CPZ: variants seen among roughly 807,000 people sequenced by gnomAD.
CPZ encodes VEZT/CPZ fusion.
Under a neutral mutation model 61.8 loss-of-function variants are expected in CPZ, and 103 were observed. The observed-to-expected ratio is 1.67, with a 90% CI of 1.42 to 1.96. The LOEUF is 1.96. Among genes scored for constraint, CPZ ranks in the 30% most tolerant of loss-of-function variants. CPZ has a pLI of 0.00. For synonymous variants in CPZ, 551 were observed against 373.7 expected, an observed-to-expected ratio of 1.47 and a Z score of -5.47; for missense variants, 1,461 against 914.9, an observed-to-expected ratio of 1.60 and a Z score of -7.70.
intron 2 of CPZ, chr4:8,600,846 C>A: frequency 9.9e-7 from 1 of 1,011,674 alleles, no homozygotes; most frequent in Non-Finnish European, 1.3e-6. Context: ...TTGTGTGGCA[C>A]AGCTGCTTTG....
Position 8,619,607 on chromosome 4 carries a change from T to A in CPZ, c.1949T>A (p.Leu650His), listed in dbSNP as rs774158333. Reference sequence around the variant, plus strand: ...AGCACCCACAGGCCACGCTGGCTGCTCAAGTACTAGCCCCGGCCCCAGCAC... The same window carrying A: ...AGCACCCACAGGCCACGCTGGCTGCACAAGTACTAGCCCCGGCCCCAGCAC... ...SLSTHRPRWL[L>H]KY Residue 650 changes from leucine (L) to histidine (H), a missense_variant, in exon 11 of 11, where the codon CTC (leucine) becomes CAC (histidine). Coordinates refer to ENST00000360986, the MANE Select transcript of CPZ (RefSeq NM_001014447.3). 4.7e-6 allele frequency: 7 copies of A among 1,502,312 alleles called. No individual in the cohort carries two copies. The highest frequency in any genetic ancestry group is 5.3e-6 in the Non-Finnish European group (6 of 1,126,792). The allele number at this position is 1,502,312 out of a possible 1,614,324, so 93.1% of individuals were successfully genotyped here. A position where few individuals can be genotyped will look rare whatever the true frequency, so the allele number is the denominator to read the frequency against.
At chr4:8,600,133 T>A in intron 2 of CPZ, among the ~76,000 whole-genome samples, 1 of 152,330 alleles carries the variant, frequency 6.6e-6, no homozygotes, top group Admixed American at 6.5e-5. Flanking sequence ...TTTTATTTTA[T>A]TTTTTATTTA....
chr4:8,604,399 A>G (rs1280691772), intron 4 of CPZ, among the ~76,000 whole-genome samples: 2 of 152,280 alleles, frequency 1.3e-5, no homozygotes, highest in Non-Finnish European at 2.9e-5. Context: ...TCTTACTTCA[A>G]AATGTAGGGT....
intron 3 of CPZ, chr4:8,602,470 A>C (rs2109318780): frequency 6.6e-6 from 1 of 152,396 alleles, no homozygotes; most frequent in East Asian, 1.9e-4. Context: ...GCCTAGGGCC[A>C]GTGTGTGCCA....
chr4:8,609,005 TTCA>T (rs1715294352), intron 7 of CPZ, among the ~76,000 whole-genome samples: 1 of 150,476 alleles, frequency 6.6e-6, no homozygotes, highest in Non-Finnish European at 1.5e-5. Flanking sequence ...CTTTCACTTG[TTCA>T]TCATTCATTA....
intron 1 of CPZ, among the ~76,000 whole-genome samples, chr4:8,598,686 G>A (rs1425060656): frequency 1.3e-5 from 2 of 152,250 alleles, no homozygotes; most frequent in African/African-American, 2.4e-5. Context: ...CCTTGGATGC[G>A]TTCTCGCTGC....
At chr4:8,598,388 G>T (rs552252527) in intron 1 of CPZ, among the ~76,000 whole-genome samples, 1 of 152,322 alleles carries the variant, frequency 6.6e-6, no homozygotes, top group Admixed American at 6.5e-5. Context: ...CCTAGGGTGA[G>T]CTCCGAAAAG....
chr4:8,609,599 G>A (rs1035352872), intron 7 of CPZ, among the ~76,000 whole-genome samples: 2 of 148,680 alleles, frequency 1.3e-5, no homozygotes, highest in Admixed American at 1.3e-4. Context: ...CAGGGCAGGT[G>A]TCCCCCTCTG....
chr4:8,619,426 A>T lies in CPZ; in HGVS notation c.1768A>T (p.Asn590Tyr). 6.2e-7 allele frequency: 1 copy of T among 1,613,994 alleles called. No individual in the cohort carries two copies. Among genetic ancestry groups the T allele is most frequent in the Non-Finnish European group, 8.5e-7 (1 of 1,179,956 alleles). Reference protein sequence around the residue: ...ILQPLGMGPKNFIHGLRRTGP... With the variant: ...ILQPLGMGPKYFIHGLRRTGP... ...GCAACCTCTGGGGATGGGACCCAAG[A>T]ACTTTATTCATGGGCTGCGGAGGAC... The change falls in exon 11 of 11, where the codon AAC becomes TAC. Residue 590 changes from asparagine (N) to tyrosine (Y), a missense_variant. Coordinates refer to ENST00000360986, the MANE Select transcript of CPZ (RefSeq NM_001014447.3).
At chr4:8,595,709 G>A (rs1714127524) in intron 1 of CPZ, among the ~76,000 whole-genome samples, 1 of 152,258 alleles carries the variant, frequency 6.6e-6, no homozygotes, top group Non-Finnish European at 1.5e-5. Context: ...AAGACATACT[G>A]ATGATGTAAT....
chr4:8,609,150 ACT>A (rs1292097863), intron 7 of CPZ, among the ~76,000 whole-genome samples: 111 of 142,572 alleles, frequency 7.8e-4, no homozygotes, highest in Middle Eastern at 3.6e-3. Context: ...TCATTCACCC[ACT>A]CCCTCACTCA....
intron 4 of CPZ, among the ~76,000 whole-genome samples, chr4:8,604,831 T>G (rs1387297182): frequency 6.6e-6 from 1 of 152,252 alleles, no homozygotes; most frequent in Non-Finnish European, 1.5e-5. Flanking sequence ...GCTCTTTGTT[T>G]ATGGACTCAG....
chr4:8,614,339 C>A lies in CPZ; in HGVS notation c.1364-20C>A. The A allele has an allele frequency of 6.2e-7, 1 of 1,605,326 alleles. No individual in the cohort carries two copies. On this transcript the variant is annotated intron_variant, in intron 8 of 10. Transcript: ENST00000360986. ...TGTGCGGCTGACACCCCTGACGTCC[C>A]CGCTGTCTCTGTGCCACAGGCATGT... is the stretch of plus-strand genomic sequence containing the variant.
At chr4:8,615,777 A>G (rs1253628187) in intron 9 of CPZ, among the ~76,000 whole-genome samples, 1 of 152,200 alleles carries the variant, frequency 6.6e-6, no homozygotes, top group Non-Finnish European at 1.5e-5. Context: ...CCCTCTGTCC[A>G]TGAGCCCCCT....
At chr4:8,599,603 C>A (rs775541199) in intron 2 of CPZ, 118 bp downstream of exon 2, 3 of 1,519,034 alleles carry the variant, frequency 2.0e-6, no homozygotes, top group Non-Finnish European at 2.7e-6. Context: ...GATAACACAG[C>A]CCATTAATCA....
chr4:8,606,199 T>C lies in CPZ; in HGVS notation c.906+14T>C. ...GCAGCTGCCGAGGTGAGCGCCCAGA[T>C]GCCTGGATCCTGTGGGCCACCGCCC... On this transcript the variant is annotated intron_variant, in intron 5 of 10. Coordinates refer to ENST00000360986, the MANE Select transcript of CPZ (RefSeq NM_001014447.3). 1 of 1,609,150 alleles carries C rather than the reference T, an allele frequency of 6.2e-7. No homozygotes were observed. Among genetic ancestry groups the C allele is most frequent in the South Asian group, 1.1e-5 (1 of 90,714 alleles).
At chr4:8,611,601 G>A (rs1013147599) in intron 7 of CPZ, among the ~76,000 whole-genome samples, 1 of 152,158 alleles carries the variant, frequency 6.6e-6, no homozygotes, top group South Asian at 2.1e-4. Context: ...AGAAGTAGTT[G>A]GCTTTGGAGA....
At chr4:8,609,231 TTGTCAC>T (rs200110320) in intron 7 of CPZ, among the ~76,000 whole-genome samples, 24 of 55,224 alleles carry the variant, frequency 4.3e-4, no homozygotes, top group Middle Eastern at 7.4e-3. Flanking sequence ...TACTCACTCA[TTGTCAC>T]TCATTCACTC....
chr4:8,612,526 T>G (rs1715799942), intron 8 of CPZ, among the ~76,000 whole-genome samples: 1 of 152,162 alleles, frequency 6.6e-6, no homozygotes, highest in Admixed American at 6.5e-5. Context: ...TGAGGAATTG[T>G]TTTTAGGACA....
Sources: allele counts gnomAD v4.1 joint callset (sites outside exome capture counted in the v4.1 genomes callset), GRCh38; gene constraint gnomAD v4.1.1; transcripts MANE v1.5; gene names NCBI Gene and HGNC (gene_info 2026-07-23, HGNC 2026-07-21).